The following FAM135A variants were observed in gnomAD, a reference collection of about 807,000 sequenced individuals.
FAM135A encodes the protein family with sequence similarity 135 member A.
In FAM135A, 79 loss-of-function variants were observed where a neutral mutation model predicts 146.8. The ratio of observed to expected loss-of-function variants is 0.54; its 90% CI spans 0.45 to 0.65. FAM135A has a LOEUF of 0.65. FAM135A is among the 30% of genes least tolerant of loss of function. The pLI is 0.00. For missense variants in FAM135A, 1,623 were observed against 1,758.2 expected (o/e 0.92, Z 1.38); for synonymous variants, 562 against 603.6 (o/e 0.93, Z 1.01).
chr6:70,502,566 A>G (rs1788796144), intron 11 of FAM135A, 70 bp from the exon 12 acceptor site: 7 of 1,485,134 alleles, frequency 4.7e-6, no homozygotes, highest in Non-Finnish European at 6.4e-6. Flanking sequence ...AATATTCTCA[A>G]TAACATTATA....
chr6:70,443,640 T>A (rs1177289235), intron 4 of FAM135A, among the ~76,000 whole-genome samples: 1 of 152,246 alleles, frequency 6.6e-6, no homozygotes, highest in African/African-American at 2.4e-5. Flanking sequence ...AATGGATATA[T>A]TTTTGTAGTG....
chr6:70,515,155 T>C (rs1331611514), intron 12 of FAM135A, among the ~76,000 whole-genome samples: 2 of 152,224 alleles, frequency 1.3e-5, no homozygotes, highest in African/African-American at 2.4e-5. Flanking sequence ...TTCCCATTCA[T>C]TCCTGGTAGG....
chr6:70,548,084 A>C (rs1688407730), intron 20 of FAM135A, among the ~76,000 whole-genome samples: 2 of 152,174 alleles, frequency 1.3e-5, no homozygotes, highest in Non-Finnish European at 2.9e-5. Flanking sequence ...CTGTACTTCA[A>C]CTCAGATGAA....
intron 11 of FAM135A, among the ~76,000 whole-genome samples, chr6:70,498,071 C>T (rs1298200575): frequency 1.3e-5 from 2 of 152,166 alleles, no homozygotes; most frequent in African/African-American, 4.8e-5. Context: ...CTTTGTACCT[C>T]TAGTAGAATT....
At chr6:70,458,558 A>G (rs1778817312) in intron 5 of FAM135A, among the ~76,000 whole-genome samples, 1 of 152,130 alleles carries the variant, frequency 6.6e-6, no homozygotes, top group Non-Finnish European at 1.5e-5. Flanking sequence ...CAACCTTTCC[A>G]TAGCTTTTGA....
At chr6:70,460,060 A>G (rs1726200707) in intron 5 of FAM135A, among the ~76,000 whole-genome samples, 1 of 152,192 alleles carries the variant, frequency 6.6e-6, no homozygotes, top group South Asian at 2.1e-4. Context: ...ATTAGCCCAG[A>G]AAGACTTGTA....
At chr6:70,538,722 C>T (rs954407702) in intron 20 of FAM135A, among the ~76,000 whole-genome samples, 1 of 151,080 alleles carries the variant, frequency 6.6e-6, no homozygotes, top group African/African-American at 2.4e-5. Flanking sequence ...CATGTCCTAT[C>T]CCCGCTGTTC....
At position 70,536,240 on chromosome 6, in the gene FAM135A, AT is replaced by A. The variant is rs536309606; in HGVS notation, c.3966-11del. On this transcript the variant is annotated intron_variant, in intron 18 of 21. Transcript: ENST00000418814. ...TAAAACTAATGCTGTGAGAAAATTA[AT>A]TTTTTTTTCCTCTTAAAGCTTTATT... The A allele has an allele frequency of 1.3e-3, 1,971 of 1,574,326 alleles. 2 individuals carry two copies. The highest frequency in any genetic ancestry group is 1.5e-3 in the Non-Finnish European group (1,765 of 1,161,638).
chr6:70,493,283 C>T (rs972137908), intron 11 of FAM135A, among the ~76,000 whole-genome samples: 1 of 151,702 alleles, frequency 6.6e-6, no homozygotes, highest in African/African-American at 2.4e-5. Flanking sequence ...TATGTGATTA[C>T]ATATGAAATA....
intron 2 of FAM135A, among the ~76,000 whole-genome samples, chr6:70,418,760 G>A (rs1448939684): frequency 2.6e-5 from 4 of 152,218 alleles, no homozygotes; most frequent in African/African-American, 7.2e-5. Flanking sequence ...CAAGAAATAC[G>A]ACTATAACTC....
chr6:70,528,564 AAATT>A, intron 16 of FAM135A, 112 bp downstream of exon 16: 1 of 899,842 alleles, frequency 1.1e-6, no homozygotes, highest in East Asian at 3.0e-5. Flanking sequence ...TTAATTGCTT[AAATT>A]AATTGAATCT....
chr6:70,488,333 C>T (rs1785127237), intron 10 of FAM135A, among the ~76,000 whole-genome samples: 1 of 151,824 alleles, frequency 6.6e-6, no homozygotes, highest in South Asian at 2.1e-4. Flanking sequence ...AAGCAAGATG[C>T]AAAAAATTGT....
At chr6:70,448,734 A>G (rs1776375676) in intron 4 of FAM135A, among the ~76,000 whole-genome samples, 1 of 152,238 alleles carries the variant, frequency 6.6e-6, no homozygotes, top group African/African-American at 2.4e-5. Context: ...TTCTATGGAT[A>G]TTAGATTAAC....
intron 4 of FAM135A, among the ~76,000 whole-genome samples, chr6:70,448,501 G>A (rs1204547019): frequency 6.6e-6 from 1 of 152,122 alleles, no homozygotes; most frequent in Non-Finnish European, 1.5e-5. Flanking sequence ...TCCAACCGTC[G>A]CTCCGGTGAC....
chr6:70,473,066 A>C (rs962283117), intron 5 of FAM135A, among the ~76,000 whole-genome samples: 1 of 152,170 alleles, frequency 6.6e-6, no homozygotes, highest in African/African-American at 2.4e-5. Flanking sequence ...GTATGGACTT[A>C]CAGATTTCTG....
rs907771204 is a variant in FAM135A at position 70,501,502 on chromosome 6, C to T, written c.874-1134C>T. Among the ~76,000 whole-genome samples, 63 of 152,124 alleles carry T rather than the reference C, an allele frequency of 4.1e-4. 1 individual carries two copies. Among genetic ancestry groups the T allele is most frequent in the Admixed American group, 1.4e-3 (21 of 15,264 alleles). On this transcript the variant is annotated intron_variant, in intron 11 of 21. Transcript: ENST00000418814. ...TCAGCCTCCTTTGCAGGGGAGTGAA[C>T]GGTTCTGTCTCGCTGGGGTTCCAGG...
intron 11 of FAM135A, among the ~76,000 whole-genome samples, chr6:70,495,981 G>A (rs572806076): frequency 1.3e-5 from 2 of 152,224 alleles, no homozygotes; most frequent in South Asian, 2.1e-4. Flanking sequence ...CCTTTTTTAT[G>A]GCTGCATAGT....
At chr6:70,511,926 A>G (rs187192192) in intron 12 of FAM135A, among the ~76,000 whole-genome samples, 186 of 152,078 alleles carry the variant, frequency 1.2e-3, no homozygotes, top group Non-Finnish European at 1.8e-3. Context: ...GAAAAGGTAC[A>G]GTAAAAATAT....
At chr6:70,459,192 G>A (rs1778946864) in intron 5 of FAM135A, among the ~76,000 whole-genome samples, 3 of 151,514 alleles carry the variant, frequency 2.0e-5, no homozygotes, top group South Asian at 2.1e-4. Context: ...ACTTTGATTC[G>A]TACTTTCATC....
Sources: gnomAD v4.1 joint callset for allele counts (sites outside exome capture counted in the v4.1 genomes callset) on GRCh38, gnomAD v4.1.1 for gene constraint, MANE v1.5 for transcripts, NCBI Gene and HGNC (gene_info 2026-07-23, HGNC 2026-07-21) for gene names.